The following PARP8 variants were observed in gnomAD, a reference collection of about 807,000 sequenced individuals.
PARP8 encodes the protein poly(ADP-ribose) polymerase family member 8.
Under a neutral mutation model 124.1 loss-of-function variants are expected in PARP8, and 51 were observed. The observed-to-expected ratio is 0.41, with a 90% CI of 0.33 to 0.52. The LOEUF (loss-of-function observed/expected upper bound fraction) is 0.52, where lower values mean the gene tolerates loss of function less well. Ranked by LOEUF, PARP8 falls within the 20% of genes least tolerant of loss-of-function variation. The pLI is 0.21. For synonymous variants in PARP8, 391 were observed against 361.5 expected, an observed-to-expected ratio of 1.08 and a Z score of -0.93; for missense variants, 860 against 1,018.9, an observed-to-expected ratio of 0.84 and a Z score of 2.12.
chr5:50,725,083 A>ATATATATACACATATGTGTATG lies in PARP8; in HGVS notation c.147-25060_147-25059insCACATATGTGTATGTATATATA, dbSNP rs1377581817. ...TTCCATTGTGTGTGTATGTGTATAT[A>ATATATATACACATATGTGTATG]TATATATATACACATATGTGTATGT... is the stretch of plus-strand genomic sequence containing the variant. On this transcript the variant is annotated intron_variant, in intron 2 of 25. Coordinates refer to ENST00000281631, the MANE Select transcript of PARP8 (RefSeq NM_024615.4). Among the ~76,000 whole-genome samples, 7 of 151,038 alleles carry ATATATATACACATATGTGTATG rather than the reference A, an allele frequency of 4.6e-5. No individual in the cohort carries two copies. In the East Asian group the frequency reaches 7.8e-4, roughly 17 times the overall value.
intron 25 of PARP8, among the ~76,000 whole-genome samples, chr5:50,841,051 A>G (rs1032709220): frequency 5.9e-5 from 9 of 151,716 alleles, no homozygotes; most frequent in South Asian, 2.1e-4. Context: ...TCATCTTTTC[A>G]TTTTCCTTTA....
intron 2 of PARP8, among the ~76,000 whole-genome samples, chr5:50,739,730 ATATTTT>A (rs1438212239): frequency 8.8e-4 from 37 of 42,236 alleles, no homozygotes; most frequent in African/African-American, 2.1e-3. Flanking sequence ...ATATATATAT[ATATTTT>A]TTTTTTTTTT....
chr5:50,742,228 G>A (rs1428975324), intron 2 of PARP8, among the ~76,000 whole-genome samples: 1 of 152,230 alleles, frequency 6.6e-6, no homozygotes, highest in East Asian at 1.9e-4. Context: ...TTGGCAGTTT[G>A]GCTTAAAAAC....
At chr5:50,723,713 GA>G (rs925821856) in intron 2 of PARP8, among the ~76,000 whole-genome samples, 41 of 152,110 alleles carry the variant, frequency 2.7e-4, no homozygotes, top group Middle Eastern at 3.4e-3. Context: ...GGAAACATAA[GA>G]AAAAAGTATA....
rs777223144 is a variant in PARP8 at position 50,835,007 on chromosome 5, C to A, written c.2454C>A (p.Phe818Leu). 1 of 1,612,260 alleles carries A rather than the reference C, an allele frequency of 6.2e-7. No homozygotes were observed. Among genetic ancestry groups the A allele is most frequent in the South Asian group, 1.1e-5 (1 of 90,924 alleles). The part of the protein sequence containing the change: ...VPNTDHVCTR[F>L]FFVYEDGQVG... ...ATACTGACCATGTCTGCACACGATT[C>A]TTTTTCGTGTAAGTGGAAATGCTCA... Residue 818 changes from phenylalanine (F) to leucine (L), a missense_variant, in exon 25 of 26, where the codon TTC (phenylalanine) becomes TTA (leucine). Physicochemically the swap from Phe to Leu is conservative, Grantham distance 22 (BLOSUM62 0). Transcript: ENST00000281631.
chr5:50,839,520 A>T (rs931545770), intron 25 of PARP8, among the ~76,000 whole-genome samples: 1 of 152,026 alleles, frequency 6.6e-6, no homozygotes, highest in African/African-American at 2.4e-5. Context: ...TGATTATTAT[A>T]TATGCATCAA....
chr5:50,757,102 T>C, intron 3 of PARP8: 1 of 451,802 alleles, frequency 2.2e-6, no homozygotes, highest in Non-Finnish European at 4.5e-6. Context: ...ACTTAAGAAG[T>C]TGTTTCCACT....
At chr5:50,841,350 C>T (rs1205300038) in intron 25 of PARP8, among the ~76,000 whole-genome samples, 6 of 151,802 alleles carry the variant, frequency 4.0e-5, no homozygotes, top group Non-Finnish European at 8.8e-5. Flanking sequence ...AATTGCTGTT[C>T]TTTAGTATTA....
intron 2 of PARP8, among the ~76,000 whole-genome samples, chr5:50,747,968 G>A (rs1758799629): frequency 6.6e-6 from 1 of 151,470 alleles, no homozygotes; most frequent in African/African-American, 2.4e-5. Flanking sequence ...TATAGACCTT[G>A]CTTTTTTATC....
intron 15 of PARP8, among the ~76,000 whole-genome samples, chr5:50,816,937 TA>T (rs1484662080): frequency 3.3e-5 from 5 of 152,286 alleles, no homozygotes; most frequent in Admixed American, 6.5e-5. Flanking sequence ...TATAGCTATG[TA>T]AAAATAATTA....
chr5:50,813,592 C>T (rs867605063), intron 14 of PARP8, among the ~76,000 whole-genome samples: 2 of 152,122 alleles, frequency 1.3e-5, no homozygotes, highest in Non-Finnish European at 2.9e-5. Flanking sequence ...ATTTCTTTCT[C>T]CTGCCTGATT....
chr5:50,686,567 T>C (rs1433247593), intron 2 of PARP8, among the ~76,000 whole-genome samples: 1 of 152,206 alleles, frequency 6.6e-6, no homozygotes, highest in Non-Finnish European at 1.5e-5. Flanking sequence ...GTGTGGGGGC[T>C]CTGACCCCAC....
At chr5:50,717,541 A>G (rs1204291877) in intron 2 of PARP8, among the ~76,000 whole-genome samples, 1 of 151,908 alleles carries the variant, frequency 6.6e-6, no homozygotes, top group Non-Finnish European at 1.5e-5. Flanking sequence ...TTTCATTGCA[A>G]TAGAGACGAC....
At chr5:50,754,158 C>T (rs1310988982) in intron 3 of PARP8, among the ~76,000 whole-genome samples, 3,113 of 32,824 alleles carry the variant, frequency 0.095, 88 homozygotes, top group East Asian at 0.11. Context: ...TATACACACA[C>T]ACACACACAC....
At chr5:50,687,021 A>G (rs1418125713) in intron 2 of PARP8, among the ~76,000 whole-genome samples, 7 of 152,068 alleles carry the variant, frequency 4.6e-5, no homozygotes, top group Non-Finnish European at 1.0e-4. Context: ...ACTTATGCAA[A>G]TTTCTGCAGC....
chr5:50,796,107 A>T (rs1448507710), intron 12 of PARP8, among the ~76,000 whole-genome samples: 3 of 152,228 alleles, frequency 2.0e-5, no homozygotes, highest in African/African-American at 7.2e-5. Context: ...CATGCTAGTG[A>T]TAAATTCATA....
rs571499783 is a variant in PARP8 at position 50,683,688 on chromosome 5, A to G, written c.146+15563A>G. ...TATCTTCTACTGTAAGAGATATTCA[A>G]CACACTTTTGTTTTTTTCTATATTG... On this transcript the variant is annotated intron_variant, in intron 2 of 25. Transcript: ENST00000281631. 1.1e-3 allele frequency among the ~76,000 whole-genome samples: 172 copies of G among 152,282 alleles called. 1 individual carries two copies. The highest frequency in any genetic ancestry group is 4.0e-3 in the African/African-American group (167 of 41,554).
intron 2 of PARP8, among the ~76,000 whole-genome samples, chr5:50,702,774 ACT>A (rs1753726894): frequency 6.6e-6 from 1 of 152,206 alleles, no homozygotes; most frequent in African/African-American, 2.4e-5. Flanking sequence ...ATCACATAGT[ACT>A]TAGTGCAAAA....
At chr5:50,778,403 A>G (rs909670814) in intron 8 of PARP8, among the ~76,000 whole-genome samples, 157 bp from the exon 9 acceptor site, 7 of 152,154 alleles carry the variant, frequency 4.6e-5, no homozygotes, top group African/African-American at 1.4e-4. Context: ...CATACATAGA[A>G]GGCCAATATT....
Sources: gnomAD v4.1 joint callset for allele counts (sites outside exome capture counted in the v4.1 genomes callset) on GRCh38, gnomAD v4.1.1 for gene constraint, MANE v1.5 for transcripts, NCBI Gene and HGNC (gene_info 2026-07-23, HGNC 2026-07-21) for gene names.